Variants in ATRNL1 observed in about 807,000 individuals in gnomAD.
The protein encoded by ATRNL1 is attractin like 1.
A neutral mutation model predicts 182.7 loss-of-function variants in ATRNL1; 95 were observed. The ratio of observed to expected loss-of-function variants is 0.52; its 90% CI spans 0.44 to 0.62. The LOEUF is 0.62. Among genes scored for constraint, ATRNL1 ranks in the 20% least tolerant of loss-of-function variants. The probability of loss-of-function intolerance (pLI) is 0.00; values close to 1 mark genes in which losing one functional copy is unlikely to be tolerated. For missense variants in ATRNL1, 1,471 were observed against 1,679.5 expected (o/e 0.88, Z 2.17); for synonymous variants, 576 against 568.3 (o/e 1.01, Z -0.19).
At chr10:115,813,813 T>C (rs1258418631) in intron 27 of ATRNL1, among the ~76,000 whole-genome samples, 1 of 152,196 alleles carries the variant, frequency 6.6e-6, no homozygotes, top group African/African-American at 2.4e-5. Flanking sequence ...GGTCTATTTA[T>C]AGAAAAGCTA....
rs181530987 is a variant in ATRNL1, at chr10:115,161,745, A to T, written c.1004+1531A>T. ...TTGGTTACAGTGTTTATATAAACAA[A>T]TGAGGGATTAGAGTAGAATAATTGT... On this transcript the variant is annotated intron_variant, in intron 6 of 28. Coordinates refer to ENST00000355044, the MANE Select transcript of ATRNL1 (RefSeq NM_207303.4). 3.6e-3 allele frequency among the ~76,000 whole-genome samples: 543 copies of T among 152,178 alleles called. 2 individuals carry two copies. Among genetic ancestry groups the T allele is most frequent in the African/African-American group, 0.013 (524 of 41,564 alleles).
intron 13 of ATRNL1, among the ~76,000 whole-genome samples, chr10:115,272,498 C>T (rs1482769840): frequency 6.6e-6 from 1 of 152,134 alleles, no homozygotes; most frequent in Non-Finnish European, 1.5e-5. Flanking sequence ...AAAATTATTC[C>T]TTCCTCTGGA....
chr10:115,748,247 C>T (rs1332420239), intron 27 of ATRNL1, among the ~76,000 whole-genome samples: 2 of 151,904 alleles, frequency 1.3e-5, no homozygotes, highest in Admixed American at 1.3e-4. Flanking sequence ...TTTGACCTCT[C>T]CTGAAGCTTC....
chr10:115,550,314 A>G (rs952980627), intron 26 of ATRNL1, among the ~76,000 whole-genome samples: 6 of 151,746 alleles, frequency 4.0e-5, no homozygotes, highest in Non-Finnish European at 8.9e-5. Flanking sequence ...GCATTTCTCC[A>G]TATATTTCTA....
intron 19 of ATRNL1, among the ~76,000 whole-genome samples, chr10:115,335,188 T>C (rs1855423151): frequency 6.6e-6 from 1 of 152,208 alleles, no homozygotes; most frequent in Admixed American, 6.5e-5. Context: ...CCTTTTAAAG[T>C]AGAATTTAAT....
At chr10:115,207,382 T>C (rs1264470860) in intron 8 of ATRNL1, among the ~76,000 whole-genome samples, 3 of 152,176 alleles carry the variant, frequency 2.0e-5, no homozygotes. Flanking sequence ...ATCGCCGTTC[T>C]AACTGGCATG....
In ATRNL1 at chr10:115,918,411, G is replaced by A. The variant is rs376025898; in HGVS notation, c.4019-26247G>A. On this transcript the variant is annotated intron_variant, in intron 28 of 28. Transcript: ENST00000355044. ...AGCCACCGCGTCCGGCCTTTTTAGC[G>A]TCTTTTCTTTGCCTTCTAAGTAGTT... 5.9e-5 allele frequency among the ~76,000 whole-genome samples: 9 copies of A among 152,152 alleles called. No homozygotes were observed. In the South Asian group the frequency reaches 1.5e-3, roughly 25 times the overall value.
rs1192989999 is a variant in ATRNL1 at position 115,813,184 on chromosome 10, G to A, written c.3904-34693G>A. Among the ~76,000 whole-genome samples the A allele has an allele frequency of 2.6e-5, 4 of 152,070 alleles. No homozygotes were observed. The South Asian group carries it at 6.2e-4, about 24-fold the overall frequency. ...AACAACATGGCACATGTATACATAT[G>A]TAACAAACCTGCACGTTGTGCACAT... is the stretch of plus-strand genomic sequence containing the variant. On this transcript the variant is annotated intron_variant, in intron 27 of 28. Coordinates refer to ENST00000355044, the MANE Select transcript of ATRNL1 (RefSeq NM_207303.4).
rs558967227 is a variant in ATRNL1 at position 115,176,386 on chromosome 10, A to G, written c.1348+5094A>G. 3.3e-5 allele frequency among the ~76,000 whole-genome samples: 5 copies of G among 152,270 alleles called. No homozygotes were observed. The East Asian group carries it at 7.7e-4, about 24-fold the overall frequency. ...AGACATGAAGTCCTTGCCCATGCCT[A>G]TGTCCTGTGAATTGTTTTGGCTGCA... On this transcript the variant is annotated intron_variant, in intron 8 of 28. Coordinates refer to ENST00000355044, the MANE Select transcript of ATRNL1 (RefSeq NM_207303.4).
intron 10 of ATRNL1, among the ~76,000 whole-genome samples, chr10:115,257,314 G>A (rs1851191863): frequency 6.6e-6 from 1 of 152,140 alleles, no homozygotes; most frequent in South Asian, 2.1e-4. Context: ...GGGTGCTCCT[G>A]TATTGGGTGC....
intron 26 of ATRNL1, among the ~76,000 whole-genome samples, chr10:115,634,618 A>G (rs1411807126): frequency 2.0e-5 from 3 of 152,220 alleles, no homozygotes; most frequent in African/African-American, 7.2e-5. Context: ...CTATTTGAAT[A>G]TAATTTAGAA....
intron 22 of ATRNL1, among the ~76,000 whole-genome samples, chr10:115,466,373 A>G (rs1188232239): frequency 6.6e-6 from 1 of 151,390 alleles, no homozygotes; most frequent in Non-Finnish European, 1.5e-5. Context: ...AATAAAGCAT[A>G]ATACACTCAG....
intron 21 of ATRNL1, among the ~76,000 whole-genome samples, chr10:115,439,061 A>G (rs1357843246): frequency 2.0e-5 from 3 of 152,000 alleles, no homozygotes; most frequent in Non-Finnish European, 4.4e-5. Flanking sequence ...TCTTGACAGT[A>G]AAGTAAGCTA....
At chr10:115,906,497 C>A (rs1196365429) in intron 28 of ATRNL1, among the ~76,000 whole-genome samples, 2 of 152,140 alleles carry the variant, frequency 1.3e-5, no homozygotes, top group African/African-American at 4.8e-5. Flanking sequence ...CCTCTCTTAA[C>A]AAATGCCTTT....
chr10:115,774,720 C>T (rs1266162589), intron 27 of ATRNL1, among the ~76,000 whole-genome samples: 1 of 152,052 alleles, frequency 6.6e-6, no homozygotes, highest in Non-Finnish European at 1.5e-5. Context: ...CTTTTGTTGA[C>T]ACAGCACTAT....
chr10:115,143,971 T>A (rs1295082031), intron 5 of ATRNL1, among the ~76,000 whole-genome samples: 1 of 150,428 alleles, frequency 6.6e-6, no homozygotes, highest in East Asian at 1.9e-4. Flanking sequence ...AATATGAGAA[T>A]TTTTTTTGTT....
intron 22 of ATRNL1, among the ~76,000 whole-genome samples, chr10:115,464,248 A>T (rs1195238240): frequency 2.0e-5 from 3 of 152,034 alleles, no homozygotes. Context: ...TAATCTCTGA[A>T]ATTATTATGT....
chr10:115,556,831 A>G (rs923145913), intron 26 of ATRNL1, among the ~76,000 whole-genome samples: 14 of 150,514 alleles, frequency 9.3e-5, no homozygotes, highest in Admixed American at 8.7e-4. Flanking sequence ...TTCTCAATCT[A>G]GTAGGCCCTT....
chr10:115,147,666 G>A (rs1400193102), intron 5 of ATRNL1, among the ~76,000 whole-genome samples: 4 of 151,922 alleles, frequency 2.6e-5, no homozygotes, highest in African/African-American at 9.7e-5. Flanking sequence ...GATAAGGGGT[G>A]TAGTTTCATT....
Sources: gnomAD v4.1 joint callset for allele counts (sites outside exome capture counted in the v4.1 genomes callset) on GRCh38, gnomAD v4.1.1 for gene constraint, MANE v1.5 for transcripts, NCBI Gene and HGNC (gene_info 2026-07-23, HGNC 2026-07-21) for gene names.